PRR16: variants seen among roughly 807,000 people sequenced by gnomAD.
PRR16 encodes protein Largen.
Under a neutral mutation model 18.2 loss-of-function variants are expected in PRR16, and 6 were observed. That is an observed-to-expected ratio of 0.33 (90% CI 0.18 to 0.65). The LOEUF (loss-of-function observed/expected upper bound fraction) is 0.65, where lower values mean the gene tolerates loss of function less well. PRR16 is among the 30% of genes least tolerant of loss of function. PRR16 has a pLI of 0.74. For synonymous variants in PRR16, 151 were observed against 147.8 expected, an observed-to-expected ratio of 1.02 and a Z score of -0.16; for missense variants, 412 against 376.6, an observed-to-expected ratio of 1.09 and a Z score of -0.78.
the PRR16 span, among the ~76,000 whole-genome samples, chr5:120,725,641 C>T: frequency 6.6e-6 from 1 of 152,012 alleles, no homozygotes; most frequent in African/African-American, 2.4e-5. Flanking sequence ...CATACTATTG[C>T]ATTCCAGCCT....
At chr5:120,723,288 T>G in the PRR16 span, among the ~76,000 whole-genome samples, 1 of 151,988 alleles carries the variant, frequency 6.6e-6, no homozygotes, top group South Asian at 2.1e-4. Context: ...TATTTGGTAC[T>G]CAATTTATAT....
intron 1 of PRR16, among the ~76,000 whole-genome samples, chr5:120,580,119 G>T (rs1753217906): frequency 6.6e-6 from 1 of 152,176 alleles, no homozygotes; most frequent in African/African-American, 2.4e-5. Context: ...ATCAGTTCAA[G>T]AAGTTTTGGG....
intron 1 of PRR16, among the ~76,000 whole-genome samples, chr5:120,514,284 T>G (rs1750919255): frequency 6.6e-6 from 1 of 152,144 alleles, no homozygotes; most frequent in Non-Finnish European, 1.5e-5. Context: ...TGAAATGCCT[T>G]TGGTGTCATT....
At chr5:120,589,556 GGTT>G (rs1456855696) in intron 1 of PRR16, among the ~76,000 whole-genome samples, 2 of 152,068 alleles carry the variant, frequency 1.3e-5, no homozygotes, top group African/African-American at 2.4e-5. Flanking sequence ...GGATAAAAGA[GGTT>G]TAATTGAACT....
At chr5:120,550,238 C>A (rs1225909066) in intron 1 of PRR16, among the ~76,000 whole-genome samples, 1 of 152,032 alleles carries the variant, frequency 6.6e-6, no homozygotes, top group African/African-American at 2.4e-5. Context: ...GACATCCCAA[C>A]ATTTTTTGAG....
At chr5:120,506,880 C>T (rs954562306) in intron 1 of PRR16, among the ~76,000 whole-genome samples, 4 of 152,038 alleles carry the variant, frequency 2.6e-5, no homozygotes, top group African/African-American at 9.7e-5. Flanking sequence ...CATTTGTTCC[C>T]ATCTTATCTT....
chr5:120,509,766 G>A (rs1349468723), intron 1 of PRR16, among the ~76,000 whole-genome samples: 1 of 152,140 alleles, frequency 6.6e-6, no homozygotes, highest in Non-Finnish European at 1.5e-5. Context: ...TGAATATCAA[G>A]GCAATTCATT....
chr5:120,737,930 G>T, the PRR16 span, among the ~76,000 whole-genome samples: 3 of 151,864 alleles, frequency 2.0e-5, no homozygotes, highest in African/African-American at 7.2e-5. Context: ...TCTATTACTT[G>T]TCCCTAGAAT....
At chr5:120,790,107 A>C in the PRR16 span, 1 of 152,224 alleles carries the variant, frequency 6.6e-6, no homozygotes, top group African/African-American at 2.4e-5. Flanking sequence ...ACCTTGGAGC[A>C]CAAATGATCG....
the PRR16 span, among the ~76,000 whole-genome samples, chr5:120,788,714 G>T: frequency 6.6e-6 from 1 of 152,038 alleles, no homozygotes; most frequent in Admixed American, 6.6e-5. Context: ...CATGATGAAA[G>T]ATTGTTTTTT....
chr5:120,631,903 C>T (rs1168978929), intron 1 of PRR16, among the ~76,000 whole-genome samples: 2 of 152,184 alleles, frequency 1.3e-5, no homozygotes, highest in African/African-American at 4.8e-5. Flanking sequence ...TTGAAAGCAT[C>T]ACCTCCTGGC....
At chr5:120,755,793 T>A in the PRR16 span, among the ~76,000 whole-genome samples, 2 of 152,050 alleles carry the variant, frequency 1.3e-5, no homozygotes, top group African/African-American at 4.8e-5. Flanking sequence ...GTAGTCCAGG[T>A]TCTTGTTGTT....
the PRR16 span, among the ~76,000 whole-genome samples, chr5:120,736,747 G>A: frequency 6.6e-6 from 1 of 151,832 alleles, no homozygotes; most frequent in Non-Finnish European, 1.5e-5. Flanking sequence ...CCGTTTATGT[G>A]TGTCTTCTTT....
intron 1 of PRR16, among the ~76,000 whole-genome samples, chr5:120,559,882 A>G (rs375135207): frequency 6.6e-6 from 1 of 151,520 alleles, no homozygotes; most frequent in South Asian, 2.1e-4. Flanking sequence ...TCTTGGGTGA[A>G]ATTTAACTTT....
chr5:120,603,196 C>T (rs948041565), intron 1 of PRR16, among the ~76,000 whole-genome samples: 1 of 152,012 alleles, frequency 6.6e-6, no homozygotes. Context: ...TGGCCCAGGA[C>T]ATTTCCTGGT....
chr5:120,670,028 C>G (rs1756543553), intron 1 of PRR16, among the ~76,000 whole-genome samples: 1 of 151,910 alleles, frequency 6.6e-6, no homozygotes, highest in Admixed American at 6.6e-5. Context: ...TGACCATAAG[C>G]AAAATATGTA....
chr5:120,489,377 T>G (rs6862926), intron 1 of PRR16, among the ~76,000 whole-genome samples: 151,521 of 151,598 alleles, frequency 1, 75,722 homozygotes, highest in Middle Eastern at 1. Context: ...TAGCTCTTCT[T>G]GTTGAATTGA....
intron 1 of PRR16, among the ~76,000 whole-genome samples, chr5:120,554,747 C>G (rs1258149794): frequency 9.2e-5 from 14 of 151,894 alleles, no homozygotes; most frequent in Non-Finnish European, 2.9e-5. Flanking sequence ...TCTACTGTCC[C>G]CAGTTTAATA....
chr5:120,626,965 T>C (rs1018580691), intron 1 of PRR16, among the ~76,000 whole-genome samples: 1 of 152,120 alleles, frequency 6.6e-6, no homozygotes, highest in African/African-American at 2.4e-5. Context: ...AAATGTTTAA[T>C]TGGAAGTTTT....
Sources: allele counts gnomAD v4.1 joint callset (sites outside exome capture counted in the v4.1 genomes callset), GRCh38; gene constraint gnomAD v4.1.1; transcripts MANE v1.5; gene names NCBI Gene and HGNC (gene_info 2026-07-23, HGNC 2026-07-21).